The following LEMD2 variants were observed in gnomAD, a reference collection of about 807,000 sequenced individuals.
LEMD2 encodes the protein LEM domain nuclear envelope protein 2.
In LEMD2, 34 loss-of-function variants were observed where a neutral mutation model predicts 58.8. The observed-to-expected ratio is 0.58, with a 90% CI of 0.44 to 0.77. LEMD2 has a LOEUF of 0.77. Among genes scored for constraint, LEMD2 ranks in the 30% least tolerant of loss-of-function variants. The pLI is 0.00. For missense variants in LEMD2, 629 were observed against 717.9 expected (o/e 0.88, Z 1.42); for synonymous variants, 298 against 308.9 (o/e 0.96, Z 0.37).
In LEMD2 at chr6:33,771,386, G is replaced by A. The variant is rs1261608446; in HGVS notation, c.*1242C>T. ...CATCCAGACATCAGAGGAAATGAGA[G>A]TATTGCTCAAATGAGGGAGACTGGA... On this transcript the variant is annotated 3_prime_UTR_variant, in exon 9 of 9. Transcript: ENST00000293760. 1 of 152,260 alleles carries A rather than the reference G, an allele frequency of 6.6e-6. No homozygotes were observed. The highest frequency in any genetic ancestry group is 1.5e-5 in the Non-Finnish European group (1 of 68,060). The allele number at this position is 152,260 out of a possible 1,614,324, so 9.4% of individuals were successfully genotyped here. A position where few individuals can be genotyped will look rare whatever the true frequency, so the allele number is the denominator to read the frequency against.
intron 2 of LEMD2, among the ~76,000 whole-genome samples, chr6:33,786,431 A>G (rs1225251597): frequency 6.6e-6 from 1 of 152,278 alleles, no homozygotes; most frequent in South Asian, 2.1e-4. Context: ...GGGTCCTTCA[A>G]CAACAACCTA....
At chr6:33,773,380 C>G (rs77580106) in intron 8 of LEMD2, among the ~76,000 whole-genome samples, 3 of 152,150 alleles carry the variant, frequency 2.0e-5, no homozygotes, top group Non-Finnish European at 4.4e-5. Flanking sequence ...CTTCTTCCCC[C>G]CTTCCAGACT....
At position 33,781,528 on chromosome 6, in the gene LEMD2, C is replaced by CA. The variant is rs368950618; in HGVS notation, c.854-376dup. 143 of 197,496 alleles carry CA rather than the reference C, an allele frequency of 7.2e-4. 1 individual carries two copies. The highest frequency in any genetic ancestry group is 3.2e-3 in the African/African-American group (134 of 42,472). 12.2% of individuals were successfully genotyped at this position (197,496 alleles called of 1,614,324 possible). A position where few individuals can be genotyped will look rare whatever the true frequency, so the allele number is the denominator to read the frequency against. On this transcript the variant is annotated intron_variant, in intron 3 of 8. Coordinates refer to ENST00000293760, the MANE Select transcript of LEMD2 (RefSeq NM_181336.4). ...AGAAAGGCAGGGAGGCCATGGGCACCACGGGGATTCTGACTCATGACACAG... is the reference window on the plus strand; with the variant it reads ...AGAAAGGCAGGGAGGCCATGGGCACCAACGGGGATTCTGACTCATGACACAG...
Position 33,776,775 on chromosome 6 carries a change from G to A in LEMD2, c.1361+179C>T, listed in dbSNP as rs535087231. On this transcript the variant is annotated intron_variant, in intron 8 of 8. Coordinates refer to ENST00000293760, the MANE Select transcript of LEMD2 (RefSeq NM_181336.4). ...TCATATGTCTTTTCTAGCTCATCCT[G>A]CCATAAAGAGCCGAGCATGCTGGGG... The A allele has an allele frequency of 5.0e-5, 31 of 626,148 alleles. No individual in the cohort carries two copies. In the African/African-American group the frequency reaches 5.6e-4, roughly 11 times the overall value. 38.8% of individuals were successfully genotyped at this position (626,148 alleles called of 1,614,324 possible). A position where few individuals can be genotyped will look rare whatever the true frequency, so the allele number is the denominator to read the frequency against.
At chr6:33,788,061 G>C (rs73412136) in intron 1 of LEMD2, among the ~76,000 whole-genome samples, 4 of 152,378 alleles carry the variant, frequency 2.6e-5, no homozygotes, top group East Asian at 1.9e-4. Flanking sequence ...CTGTTAGAGG[G>C]GGGTGTGGCT....
intron 8 of LEMD2, among the ~76,000 whole-genome samples, chr6:33,775,044 T>A (rs1767398337): frequency 6.6e-6 from 1 of 152,194 alleles, no homozygotes; most frequent in Non-Finnish European, 1.5e-5. Flanking sequence ...ATCACCTGCA[T>A]TTTAGGATAA....
At chr6:33,780,429 A>G (rs1767539279) in intron 4 of LEMD2, 1 of 515,686 alleles carries the variant, frequency 1.9e-6, no homozygotes, top group Non-Finnish European at 3.6e-6. Flanking sequence ...GGCCAAAAGA[A>G]TATGATTCTC....
At position 33,779,959 on chromosome 6, in the gene LEMD2, C is replaced by G. The variant is rs1582257071; in HGVS notation, c.1010+141G>C. On this transcript the variant is annotated intron_variant, in intron 5 of 8. Transcript: ENST00000293760. ...CTTGCTTTTGTTGCCCCACTTCCAT[C>G]CTAACCCACATGATTCTGCTGGGAG... 3 of 693,906 alleles carry G rather than the reference C, an allele frequency of 4.3e-6. No homozygotes were observed. In the African/African-American group the frequency reaches 5.3e-5, roughly 12 times the overall value. The allele number at this position is 693,906 out of a possible 1,614,324, so 43.0% of individuals were successfully genotyped here.
rs779698782 is a variant in LEMD2 at position 33,789,127 on chromosome 6, C to T, written c.-11G>A. 4.0e-6 allele frequency: 6 copies of T among 1,490,520 alleles called. No individual in the cohort carries two copies. The South Asian group carries it at 7.7e-5, about 19-fold the overall frequency. The allele number at this position is 1,490,520 out of a possible 1,614,324, so 92.3% of individuals were successfully genotyped here. On this transcript the variant is annotated 5_prime_UTR_variant, in exon 1 of 9. Coordinates refer to ENST00000293760, the MANE Select transcript of LEMD2 (RefSeq NM_181336.4). ...CGACAGGCCGGCCATGGCCAGGACG[C>T]CGCCCCCCGCCCGCCCCTGGCGCGC... is the stretch of plus-strand genomic sequence containing the variant.
chr6:33,788,856 GGGCT>G lies in LEMD2; in HGVS notation c.257_260del (p.Glu86AlafsTer29). 7.2e-7 allele frequency: 1 copy of G among 1,386,996 alleles called. No individual in the cohort carries two copies. The highest frequency in any genetic ancestry group is 9.3e-7 in the Non-Finnish European group (1 of 1,077,814). 85.9% of individuals were successfully genotyped at this position (1,386,996 alleles called of 1,614,324 possible). On this transcript the variant is annotated frameshift_variant, in exon 1 of 9. Coordinates refer to ENST00000293760, the MANE Select transcript of LEMD2 (RefSeq NM_181336.4). LOFTEE classifies it high-confidence loss of function. ...AGCCCGAGGCCGGCTGGGAGAGCCA[GGGCT>G]CCGCCCGCGGAGAGGCCGCGGCGGG... is the stretch of plus-strand genomic sequence containing the variant.
In LEMD2 at chr6:33,778,526, G is replaced by C. The variant is rs1339674222; in HGVS notation, c.1011-139C>G. The C allele has an allele frequency of 1.7e-6, 1 of 573,336 alleles. No individual in the cohort carries two copies. The highest frequency in any genetic ancestry group is 2.8e-6 in the Non-Finnish European group (1 of 357,114). 35.5% of individuals were successfully genotyped at this position (573,336 alleles called of 1,614,324 possible). A position where few individuals can be genotyped will look rare whatever the true frequency, so the allele number is the denominator to read the frequency against. The stretch of plus-strand genomic sequence containing the variant: ...GCTTATAGAATAGGCTTGGTATCCT[G>C]GCTGCATTCTTTCCAGAAATTTCCC... On this transcript the variant is annotated intron_variant, in intron 5 of 8. Transcript: ENST00000293760. The surrounding 1 kb of genome is among the most constrained non-coding windows in gnomAD (Gnocchi z 4.7).
At chr6:33,773,000 G>C (rs1256984579) in intron 8 of LEMD2, among the ~76,000 whole-genome samples, 1 of 152,200 alleles carries the variant, frequency 6.6e-6, no homozygotes. Flanking sequence ...TTCAATTAAA[G>C]GGAGCTAAAG....
At chr6:33,780,224 G>T in intron 4 of LEMD2, 45 bp from the exon 5 acceptor site, 1 of 1,487,196 alleles carries the variant, frequency 6.7e-7, no homozygotes, top group Non-Finnish European at 9.2e-7. Context: ...TCTGGGCGGA[G>T]CAGCTGGAAC....
intron 3 of LEMD2, 54 bp downstream of exon 3, chr6:33,784,298 C>T (rs1231266710): frequency 1.4e-6 from 2 of 1,381,974 alleles, no homozygotes; most frequent in Non-Finnish European, 2.1e-6. Flanking sequence ...TGAACCGGGT[C>T]AGCCGCCCAT....
At chr6:33,784,468 G>T (rs1561926918) in intron 2 of LEMD2, 41 bp from the exon 3 acceptor site, 3 of 643,446 alleles carry the variant, frequency 4.7e-6, no homozygotes, top group African/African-American at 1.8e-5. Context: ...GGAGGGGTGG[G>T]TGGGAGGGGT....
rs996715214 is a variant in LEMD2 at position 33,771,632 on chromosome 6, G to A, written c.*996C>T. 12 of 152,386 alleles carry A rather than the reference G, an allele frequency of 7.9e-5. 1 individual carries two copies. In the East Asian group the frequency reaches 2.1e-3, roughly 27 times the overall value. The allele number at this position is 152,386 out of a possible 1,614,324, so 9.4% of individuals were successfully genotyped here. ...AGGGAGCAGGCTGAGGAGCTGGCGGGAGGGCCGGTGGGCGGCGGCGCGGAC... is the reference window on the plus strand; with the variant it reads ...AGGGAGCAGGCTGAGGAGCTGGCGGAAGGGCCGGTGGGCGGCGGCGCGGAC... On this transcript the variant is annotated 3_prime_UTR_variant, in exon 9 of 9. Transcript: ENST00000293760.
intron 8 of LEMD2, among the ~76,000 whole-genome samples, chr6:33,774,719 C>T (rs1251369222): frequency 1.3e-5 from 2 of 152,200 alleles, no homozygotes; most frequent in African/African-American, 2.4e-5. Context: ...CATGAGCCAC[C>T]GTGCCTGGCT....
At position 33,778,367 on chromosome 6, in the gene LEMD2, G is replaced by C. The variant is rs144126518; in HGVS notation, c.1031C>G (p.Ser344Cys). The change falls in exon 6 of 9, where the codon TCT (serine) becomes TGT (cysteine). Residue 344 changes from serine to cysteine, a missense_variant. This residue lies in a region of LEMD2 where 243 missense variants were observed against 336.8 expected (regional missense o/e 0.72). Coordinates refer to ENST00000293760, the MANE Select transcript of LEMD2 (RefSeq NM_181336.4). This position sits in a 1 kb window ranked among gnomAD's most constrained non-coding sequence, Gnocchi z 4.7. Reference protein sequence around the residue: ...VGIWLKGEDQSELVTTVDKVV... With the variant: ...VGIWLKGEDQCELVTTVDKVV... ...CTTGTCCACAGTCGTCACCAATTCAGACTGGTCTTCTCCTTTCAACCTGAA... is the reference window on the plus strand; with the variant it reads ...CTTGTCCACAGTCGTCACCAATTCACACTGGTCTTCTCCTTTCAACCTGAA... 6.3e-7 allele frequency: 1 copy of C among 1,575,524 alleles called. No homozygotes were observed. Among genetic ancestry groups the C allele is most frequent in the Admixed American group, 1.8e-5 (1 of 55,524 alleles).
chr6:33,788,554 G>A lies in LEMD2; in HGVS notation c.563C>T (p.Thr188Ile). The change falls in exon 1 of 9, where the codon ACT becomes ATT. Residue 188 changes from threonine to isoleucine, a missense_variant. By Grantham distance (89) the Thr-to-Ile change is moderately conservative. This residue lies in a region of LEMD2 where 386 missense variants were observed against 381.1 expected (regional missense o/e 1.01). Coordinates refer to ENST00000293760, the MANE Select transcript of LEMD2 (RefSeq NM_181336.4). ...CGCCGCGCCAGCAGGGCCCGCTCGA[G>A]TCGCCCGCAGGCCCGGGCGCGGGTC... is the stretch of plus-strand genomic sequence containing the variant. ...GPDPRPGLRA[T>I]RAGPAGAARA... The A allele has an allele frequency of 7.0e-7, 1 of 1,434,674 alleles. No individual in the cohort carries two copies. Among genetic ancestry groups the A allele is most frequent in the South Asian group, 1.4e-5 (1 of 70,322 alleles). 88.9% of individuals were successfully genotyped at this position (1,434,674 alleles called of 1,614,324 possible).
Sources: allele counts gnomAD v4.1 joint callset (sites outside exome capture counted in the v4.1 genomes callset), GRCh38; gene constraint gnomAD v4.1.1; regional missense constraint gnomAD v4.1.1; non-coding constraint Gnocchi (gnomAD v3.1); transcripts MANE v1.5; gene names NCBI Gene and HGNC (gene_info 2026-07-23, HGNC 2026-07-21).